Variants in COL5A1 observed in about 807,000 individuals in gnomAD.
COL5A1 encodes the protein collagen alpha-1(V) chain.
In COL5A1, 16 loss-of-function variants were observed where a neutral mutation model predicts 263.7. That is an observed-to-expected ratio of 0.06 (90% confidence interval 0.04 to 0.09). The LOEUF (loss-of-function observed/expected upper bound fraction) is 0.09, where lower values mean the gene tolerates loss of function less well. COL5A1 is among the 10% of genes least tolerant of loss of function. The pLI is 1.00. For missense variants in COL5A1, 2,036 were observed against 2,540.5 expected, an observed-to-expected ratio of 0.80 and a Z score of 4.27; for synonymous variants, 1,012 against 1,004.5, an observed-to-expected ratio of 1.01 and a Z score of -0.14.
At position 134,798,416 on chromosome 9, in the gene COL5A1, A is replaced by G. The variant is rs1281296909; in HGVS notation, c.2907A>G (p.Pro969=). ...TTTGGTTTTTTCTTCAGGGCCCTCC[A>G]GGCAAGGATGGACTCCCAGGACACC... ...FPGPKGPPGP[P]GKDGLPGHPG... Residue 969 remains proline, a synonymous_variant, in exon 37 of 66, where the codon CCA becomes CCG. Transcript: ENST00000371817. The G allele has an allele frequency of 6.2e-7, 1 of 1,613,990 alleles. No homozygotes were observed. The highest frequency in any genetic ancestry group is 8.5e-7 in the Non-Finnish European group (1 of 1,179,956).
rs924193712 is a variant in COL5A1 at position 134,677,725 on chromosome 9, C to G, written c.110-13187C>G. Among the ~76,000 whole-genome samples the G allele has an allele frequency of 6.6e-6, 1 of 152,228 alleles. No homozygotes were observed. The highest frequency in any genetic ancestry group is 1.5e-5 in the Non-Finnish European group (1 of 68,036). ...CCTTTCTCAGTCCGGCCATCTTACT[C>G]CCTGTTCCTCCTTCATCTCTTCACG... On this transcript the variant is annotated intron_variant, in intron 1 of 65. Coordinates refer to ENST00000371817, the MANE Select transcript of COL5A1 (RefSeq NM_000093.5). The surrounding 1 kb of genome is among the most constrained non-coding windows in gnomAD (Gnocchi z 4.4).
Position 134,842,063 on chromosome 9 carries a change from G to A in COL5A1, c.5371-94G>A. 1.3e-6 allele frequency: 2 copies of A among 1,492,256 alleles called. No individual in the cohort carries two copies. The highest frequency in any genetic ancestry group is 2.3e-5 in the East Asian group (1 of 43,340). The allele number at this position is 1,492,256 out of a possible 1,614,324, so 92.4% of individuals were successfully genotyped here. ...GGTAGGAGACAGGACACCAGCCTGG[G>A]TTTTGGAGCCAGACAGATTGTGGGG... is the stretch of plus-strand genomic sequence containing the variant. On this transcript the variant is annotated intron_variant, in intron 65 of 65. Transcript: ENST00000371817. This position sits in a 1 kb window ranked among gnomAD's most constrained non-coding sequence, Gnocchi z 5.8.
intron 64 of COL5A1, among the ~76,000 whole-genome samples, chr9:134,833,106 C>T (rs1839710327): frequency 6.6e-6 from 1 of 152,224 alleles, no homozygotes; most frequent in African/African-American, 2.4e-5. Context: ...CCTGATGCTG[C>T]AAACAGGACA....
chr9:134,782,126 A>G (rs1837277166), intron 28 of COL5A1, among the ~76,000 whole-genome samples: 1 of 152,196 alleles, frequency 6.6e-6, no homozygotes, highest in Non-Finnish European at 1.5e-5. Flanking sequence ...CTTGGGTCCC[A>G]GGTTCACCAG....
Position 134,809,247 on chromosome 9 carries a change from G to C in COL5A1, c.3431G>C (p.Gly1144Ala). 2 of 1,608,800 alleles carry C rather than the reference G, an allele frequency of 1.2e-6. No individual in the cohort carries two copies. The highest frequency in any genetic ancestry group is 1.1e-5 in the South Asian group (1 of 89,824). Residue 1144 changes from glycine to alanine, a missense_variant, in exon 43 of 66, where the codon GGT becomes GCT. Physicochemically the swap from Gly to Ala is moderately conservative, Grantham distance 60. This residue lies in a region of COL5A1 where 1,078 missense variants were observed against 1,521.4 expected (regional missense o/e 0.71). Coordinates refer to ENST00000371817, the MANE Select transcript of COL5A1 (RefSeq NM_000093.5). ...DGLQGPVGLP[G>A]PAGPVGPPGE... ...CTCCAGGGGCCTGTGGGGCTCCCGG[G>C]TCCAGCTGGCCCTGTGGGTCCCCCT...
chr9:134,750,113 C>T (rs1835719639), intron 11 of COL5A1, among the ~76,000 whole-genome samples: 2 of 152,312 alleles, frequency 1.3e-5, no homozygotes, highest in East Asian at 3.9e-4. Flanking sequence ...AGGACAAGTG[C>T]CCACTGGGCA....
intron 1 of COL5A1, among the ~76,000 whole-genome samples, chr9:134,683,306 GA>G (rs1046742172): frequency 6.6e-6 from 1 of 152,084 alleles, no homozygotes; most frequent in Admixed American, 6.5e-5. Context: ...CTGCCCTTGG[GA>G]AAAAAGTGGG....
At chr9:134,746,486 G>T (rs373191013) in intron 11 of COL5A1, among the ~76,000 whole-genome samples, 79 of 152,382 alleles carry the variant, frequency 5.2e-4, no homozygotes, top group Middle Eastern at 3.4e-3. Flanking sequence ...GTCTCGTGGG[G>T]ACAGTTTCAC....
chr9:134,756,576 G>A (rs1343027092), intron 16 of COL5A1, among the ~76,000 whole-genome samples, 189 bp from the exon 17 acceptor site: 1 of 152,236 alleles, frequency 6.6e-6, no homozygotes, highest in Non-Finnish European at 1.5e-5. Flanking sequence ...GTTGGTGTGA[G>A]GCACAGAACA....
chr9:134,750,185 G>T (rs1025303197), intron 11 of COL5A1, among the ~76,000 whole-genome samples: 13 of 152,160 alleles, frequency 8.5e-5, no homozygotes, highest in Non-Finnish European at 2.9e-5. Flanking sequence ...AGACCTAAAA[G>T]GGGCGTTCCT....
intron 11 of COL5A1, among the ~76,000 whole-genome samples, chr9:134,744,745 G>A (rs1262247487): frequency 6.6e-6 from 1 of 150,482 alleles, no homozygotes; most frequent in East Asian, 2.0e-4. Flanking sequence ...TCACACACCT[G>A]CACACACATT....
intron 63 of COL5A1, among the ~76,000 whole-genome samples, chr9:134,828,864 C>A (rs1363281603): frequency 6.8e-6 from 1 of 146,698 alleles, no homozygotes; most frequent in Admixed American, 6.7e-5. Flanking sequence ...ACTACACACA[C>A]ACCACACATC....
chr9:134,661,693 C>T (rs1832209731), intron 1 of COL5A1, among the ~76,000 whole-genome samples: 2 of 152,268 alleles, frequency 1.3e-5, no homozygotes, highest in African/African-American at 2.4e-5. Context: ...CCAGATGTCA[C>T]CCAGCACCTT....
rs150355386 is a variant in COL5A1, at chr9:134,676,131, G to T, written c.110-14781G>T. On this transcript the variant is annotated intron_variant, in intron 1 of 65. Coordinates refer to ENST00000371817, the MANE Select transcript of COL5A1 (RefSeq NM_000093.5). The stretch of plus-strand genomic sequence containing the variant: ...TTTTTATGAAGTGGAGGGATATAGA[G>T]AATGATAAGCAGACCTTCCCCTTCA... Among the ~76,000 whole-genome samples the T allele has an allele frequency of 3.7e-4, 56 of 152,248 alleles. No homozygotes were observed. In the East Asian group the frequency reaches 0.01, roughly 28 times the overall value.
chr9:134,698,603 T>C (rs1833566406), intron 2 of COL5A1, among the ~76,000 whole-genome samples: 1 of 152,192 alleles, frequency 6.6e-6, no homozygotes, highest in African/African-American at 2.4e-5. Flanking sequence ...GCCTTCAGCG[T>C]CCCCTTCCTC....
intron 49 of COL5A1, 50 bp from the exon 50 acceptor site, chr9:134,814,747 G>T (rs1201241413): frequency 7.1e-7 from 1 of 1,407,340 alleles, no homozygotes; most frequent in East Asian, 2.5e-5. Context: ...CTTGCTCTGG[G>T]CGGCGACGTG....
At chr9:134,819,089 C>G in intron 57 of COL5A1, 36 bp downstream of exon 57, 1 of 1,605,610 alleles carries the variant, frequency 6.2e-7, no homozygotes. Context: ...AACTGTGACT[C>G]GGGGCCTTCA....
In COL5A1 at chr9:134,785,048, C is replaced by T. The variant is rs201556585; in HGVS notation, c.2544C>T (p.Arg848=). The part of the protein sequence containing the change: ...GEDGPEGPKG[R]GGPNGDPGPL... ...ATGGCCCTGAAGGCCCAAAGGGTCG[C>T]GGAGGTCCCAATGGTGACCCCGGTC... The change falls in exon 30 of 66, where the codon CGC becomes CGT. Residue 848 remains arginine, a synonymous_variant. Transcript: ENST00000371817. 2.7e-5 allele frequency: 43 copies of T among 1,613,392 alleles called. No homozygotes were observed. The highest frequency in any genetic ancestry group is 1.7e-4 in the Middle Eastern group (1 of 6,058).
chr9:134,728,568 G>A (rs1834742056), intron 5 of COL5A1, 102 bp from the exon 6 acceptor site: 1 of 1,545,092 alleles, frequency 6.5e-7, no homozygotes, highest in African/African-American at 1.4e-5. Flanking sequence ...GGCTGGACGG[G>A]GCGTCGTGGC....
Sources: gnomAD v4.1 joint callset for allele counts (sites outside exome capture counted in the v4.1 genomes callset) on GRCh38, gnomAD v4.1.1 for gene constraint, gnomAD v4.1.1 regional missense constraint, Gnocchi (gnomAD v3.1) non-coding constraint, MANE v1.5 for transcripts, NCBI Gene and HGNC (gene_info 2026-07-23, HGNC 2026-07-21) for gene names.